Variants in UBE2J2 observed in about 807,000 individuals in gnomAD.
The protein encoded by UBE2J2 is ubiquitin conjugating enzyme E2 J2, also known as ubiquitin-conjugating enzyme E2 J2.
UBE2J2 carries 5 observed loss-of-function variants against 28.6 expected under a neutral mutation model. The observed-to-expected ratio is 0.17, with a 90% confidence interval of 0.09 to 0.37. The LOEUF (loss-of-function observed/expected upper bound fraction) is 0.37, where lower values mean the gene tolerates loss of function less well. Among genes scored for constraint, UBE2J2 ranks in the 10% least tolerant of loss-of-function variants. The pLI is 1.00. For missense variants in UBE2J2, 226 were observed against 338.9 expected, an observed-to-expected ratio of 0.67 and a Z score of 2.62; for synonymous variants, 138 against 139.7, an observed-to-expected ratio of 0.99 and a Z score of 0.09.
chr1:1,255,328 G>A lies in UBE2J2; in HGVS notation c.655C>T (p.Leu219Phe), dbSNP rs756021537. ...CCGTGGTGCCGGTTGGCCTGCTGGA[G>A]CCCTGCGAGGTTTGGGACGGCCCCC... ...APGAVPNLAG[L>F]QQANRHHGLL... The change falls in exon 7 of 7, where the codon CTC becomes TTC. Residue 219 changes from leucine (L) to phenylalanine (F), a missense_variant. Coordinates refer to ENST00000349431, the MANE Select transcript of UBE2J2 (RefSeq NM_058167.3). 1.2e-6 allele frequency: 2 copies of A among 1,613,768 alleles called. No homozygotes were observed. The highest frequency in any genetic ancestry group is 2.2e-5 in the East Asian group (1 of 44,884).
At chr1:1,271,974 CAAAAAAAAAAAA>C (rs60924258) in intron 1 of UBE2J2, among the ~76,000 whole-genome samples, 1,105 of 27,648 alleles carry the variant, frequency 0.04, 36 homozygotes, top group African/African-American at 0.079. Context: ...AACTCCGTCT[CAAAAAAAAAAAA>C]AAAAAAAAAA....
chr1:1,272,576 G>C (rs895371735), intron 1 of UBE2J2, among the ~76,000 whole-genome samples: 1 of 152,048 alleles, frequency 6.6e-6, no homozygotes, highest in African/African-American at 2.4e-5. Context: ...CGGGCCGATG[G>C]AAATGGGACA....
At chr1:1,255,920 G>C in intron 6 of UBE2J2, 125 bp downstream of exon 6, 2 of 750,276 alleles carry the variant, frequency 2.7e-6, no homozygotes, top group Non-Finnish European at 4.6e-6. Context: ...CGGGGCTCCT[G>C]GGGGAGAGGA....
At chr1:1,265,432 T>C (rs1236750267) in intron 2 of UBE2J2, among the ~76,000 whole-genome samples, 2 of 152,092 alleles carry the variant, frequency 1.3e-5, no homozygotes, top group African/African-American at 4.8e-5. Flanking sequence ...CTTCCCCTAA[T>C]GTTTTAGTTT....
At position 1,266,195 on chromosome 1, in the gene UBE2J2, G is replaced by A. The variant is rs372501185; in HGVS notation, c.131+1667C>T. 26 of 1,284,796 alleles carry A rather than the reference G, an allele frequency of 2.0e-5. No individual in the cohort carries two copies. The African/African-American group carries it at 2.3e-4, about 11-fold the overall frequency. 79.6% of individuals were successfully genotyped at this position (1,284,796 alleles called of 1,614,324 possible). On this transcript the variant is annotated intron_variant, in intron 2 of 6. Transcript: ENST00000349431. ...CTCCGCCTCACCCTGGGTATCCTCC[G>A]CCTGCCTGGGCTGGGCCTCCTCTGT...
intron 1 of UBE2J2, chr1:1,271,657 A>G (rs1216441927): frequency 6.6e-6 from 1 of 152,198 alleles, no homozygotes. Flanking sequence ...CCAATATGAC[A>G]GCAGGAAGGA....
rs1470472155 is a variant in UBE2J2, at chr1:1,268,216, C to T, written c.1-224G>A. Among the ~76,000 whole-genome samples the T allele has an allele frequency of 2.6e-5, 4 of 152,118 alleles. No individual in the cohort carries two copies. The highest frequency in any genetic ancestry group is 1.9e-4 in the East Asian group (1 of 5,172). On this transcript the variant is annotated intron_variant, in intron 1 of 6. Transcript: ENST00000349431. The surrounding 1 kb of genome is among the most constrained non-coding windows in gnomAD (Gnocchi z 4.7). ...CCCGCCACCACCTTCATTGACACGA[C>T]GTACAGCTCAGGTACAAAGACGAGG...
chr1:1,271,176 C>T (rs562088716), intron 1 of UBE2J2, among the ~76,000 whole-genome samples: 4 of 152,314 alleles, frequency 2.6e-5, no homozygotes, highest in African/African-American at 9.6e-5. Flanking sequence ...GATGGGGTTA[C>T]AGTCCTGCCT....
rs1361163189 is a variant in UBE2J2 at position 1,254,148 on chromosome 1, G to C, written c.*1055C>G. On this transcript the variant is annotated 3_prime_UTR_variant, in exon 7 of 7. Transcript: ENST00000349431. Reference sequence around the variant, plus strand: ...GTACATCCCACCCAGGCGAAGTCACGGAACAGACGCAGAAGAGGGGAGACG... The same window carrying C: ...GTACATCCCACCCAGGCGAAGTCACCGAACAGACGCAGAAGAGGGGAGACG... The C allele has an allele frequency of 6.6e-6, 1 of 152,232 alleles. No homozygotes were observed. The highest frequency in any genetic ancestry group is 2.4e-5 in the African/African-American group (1 of 41,460). 9.4% of individuals were successfully genotyped at this position (152,232 alleles called of 1,614,324 possible).
At chr1:1,273,572 G>A (rs1024399602) in intron 1 of UBE2J2, 94 bp downstream of exon 1, 5 of 151,876 alleles carry the variant, frequency 3.3e-5, no homozygotes, top group African/African-American at 1.2e-4. Context: ...CGTCGCGCAG[G>A]GTCCCCAGCA....
At chr1:1,264,897 G>A (rs1382938070) in intron 2 of UBE2J2, 2 of 153,954 alleles carry the variant, frequency 1.3e-5, no homozygotes, top group African/African-American at 4.8e-5. Context: ...GACAGAAATA[G>A]TACTCAAAAG....
intron 3 of UBE2J2, among the ~76,000 whole-genome samples, chr1:1,259,808 CGCTTGTATT>C (rs1639449299): frequency 6.6e-6 from 1 of 152,156 alleles, no homozygotes; most frequent in Non-Finnish European, 1.5e-5. Context: ...GGCTCGTGCC[CGCTTGTATT>C]AAACCCACCA....
chr1:1,258,047 G>GT (rs1320405299), intron 3 of UBE2J2, among the ~76,000 whole-genome samples: 103 of 147,574 alleles, frequency 7.0e-4, no homozygotes, highest in East Asian at 9.9e-4. Flanking sequence ...GTTTTGTTTT[G>GT]TTTTTTTTTT....
intron 1 of UBE2J2, chr1:1,271,593 C>T (rs1164831919): frequency 6.6e-6 from 1 of 152,124 alleles, no homozygotes; most frequent in Non-Finnish European, 1.5e-5. Context: ...CACAGAACAG[C>T]ATTCTCACGT....
intron 2 of UBE2J2, chr1:1,266,066 G>C: frequency 7.7e-7 from 1 of 1,303,820 alleles, no homozygotes; most frequent in Middle Eastern, 2.1e-4. Flanking sequence ...AACCAGCGAG[G>C]AGGCGGCTAC....
At chr1:1,256,216 G>A (rs111520256) in intron 5 of UBE2J2, 91 bp from the exon 6 acceptor site, 61 of 930,402 alleles carry the variant, frequency 6.6e-5, no homozygotes, top group African/African-American at 9.9e-5. Context: ...AAGGGCTGCA[G>A]TCTTCGTGTT....
At chr1:1,261,478 G>C (rs1354808199) in intron 3 of UBE2J2, among the ~76,000 whole-genome samples, 1 of 152,188 alleles carries the variant, frequency 6.6e-6, no homozygotes, top group East Asian at 1.9e-4. Context: ...GCCCTGTTGG[G>C]GGAGCAGCTC....
Position 1,257,139 on chromosome 1 carries a change from C to T in UBE2J2, c.276-9G>A, listed in dbSNP as rs748100669. On this transcript the variant is annotated splice_polypyrimidine_tract_variant and intron_variant, in intron 4 of 6. Transcript: ENST00000349431. ...TGATAGAAAGACACAGCCTGCAAAA[C>T]GGGGGCCCCGTCAGTGCACACTCCC... 22 of 1,609,156 alleles carry T rather than the reference C, an allele frequency of 1.4e-5. No homozygotes were observed. Among genetic ancestry groups the T allele is most frequent in the South Asian group, 5.5e-5 (5 of 90,620 alleles).
intron 2 of UBE2J2, among the ~76,000 whole-genome samples, chr1:1,264,534 G>T (rs561034600): frequency 1.3e-5 from 2 of 152,336 alleles, no homozygotes; most frequent in East Asian, 3.9e-4. Flanking sequence ...CACTCTGGGA[G>T]GCCAAGGTGG....
Sources: allele counts gnomAD v4.1 joint callset (sites outside exome capture counted in the v4.1 genomes callset), GRCh38; gene constraint gnomAD v4.1.1; non-coding constraint Gnocchi (gnomAD v3.1); transcripts MANE v1.5; gene names NCBI Gene and HGNC (gene_info 2026-07-23, HGNC 2026-07-21).